The following SCAPER variants were observed in gnomAD, a reference collection of about 807,000 sequenced individuals.
The protein encoded by SCAPER is S phase cyclin A-associated protein in the endoplasmic reticulum.
A neutral mutation model predicts 182.2 loss-of-function variants in SCAPER; 98 were observed. The observed-to-expected ratio is 0.54, with a 90% CI of 0.46 to 0.64. The LOEUF is 0.64. Among genes scored for constraint, SCAPER ranks in the 30% least tolerant of loss-of-function variants. The probability of loss-of-function intolerance (pLI) is 0.00; values close to 1 mark genes in which losing one functional copy is unlikely to be tolerated. For synonymous variants in SCAPER, 605 were observed against 564.6 expected, an observed-to-expected ratio of 1.07 and a Z score of -1.01; for missense variants, 1,432 against 1,690.0, an observed-to-expected ratio of 0.85 and a Z score of 2.68.
chr15:76,587,520 T>C (rs1384669949), intron 22 of SCAPER, among the ~76,000 whole-genome samples: 1 of 152,238 alleles, frequency 6.6e-6, no homozygotes, highest in East Asian at 1.9e-4. Flanking sequence ...TAAATTTCCA[T>C]CTTGATTTCA....
rs753994905 is a variant in SCAPER, at chr15:76,804,615, C to T, written c.412G>A (p.Asp138Asn). The T allele has an allele frequency of 6.2e-7, 1 of 1,607,554 alleles. No homozygotes were observed. The highest frequency in any genetic ancestry group is 1.3e-5 in the African/African-American group (1 of 74,836). ...GCTTTGAAATCTCTTACATAGTTAT[C>T]CAGCATCATTAGCACCTCCTAAAAG... The part of the protein sequence containing the change: ...VECKEVLMML[D>N]NYVRDFKALI... Residue 138 changes from aspartate to asparagine, a missense_variant, in exon 6 of 32, where the codon GAT becomes AAT. Physicochemically the swap from Asp to Asn is conservative, Grantham distance 23 (BLOSUM62 1). Transcript: ENST00000563290.
intron 1 of SCAPER, among the ~76,000 whole-genome samples, chr15:76,892,960 GCACATATA>G (rs202116290): frequency 0.22 from 33,542 of 151,852 alleles, 4,576 homozygotes; most frequent in Admixed American, 0.35. Flanking sequence ...AGAAAATGTG[GCACATATA>G]CACCATGGAA....
chr15:76,762,226 G>T (rs2062832463), intron 14 of SCAPER, among the ~76,000 whole-genome samples: 1 of 152,076 alleles, frequency 6.6e-6, no homozygotes, highest in African/African-American at 2.4e-5. Flanking sequence ...TTTGATTGGG[G>T]AGTTTAATCC....
At chr15:76,675,031 T>C (rs549427244) in intron 20 of SCAPER, among the ~76,000 whole-genome samples, 46 of 152,326 alleles carry the variant, frequency 3.0e-4, no homozygotes, top group African/African-American at 1.7e-4. Flanking sequence ...GACTTCAAGA[T>C]AGTACTTATG....
At chr15:76,350,320 T>C (rs2040450903) in intron 31 of SCAPER, 1 of 152,054 alleles carries the variant, frequency 6.6e-6, no homozygotes, top group African/African-American at 2.4e-5. Context: ...GCTTTAGTTA[T>C]ATTTTCTTCT....
At chr15:76,451,544 T>C (rs867419059) in intron 25 of SCAPER, among the ~76,000 whole-genome samples, 1 of 152,250 alleles carries the variant, frequency 6.6e-6, no homozygotes, top group African/African-American at 2.4e-5. Flanking sequence ...GTGTGGTCTA[T>C]GTTAAGACTT....
chr15:76,674,439 A>G (rs892315896), intron 20 of SCAPER, among the ~76,000 whole-genome samples: 1 of 152,202 alleles, frequency 6.6e-6, no homozygotes, highest in African/African-American at 2.4e-5. Context: ...AGCAAGTCAC[A>G]TAAGTCTTTC....
intron 9 of SCAPER, among the ~76,000 whole-genome samples, chr15:76,772,472 A>AT (rs1407948002): frequency 6.6e-6 from 1 of 152,074 alleles, no homozygotes; most frequent in Non-Finnish European, 1.5e-5. Context: ...TTCAGATAAT[A>AT]TTAACATGAT....
intron 23 of SCAPER, among the ~76,000 whole-genome samples, chr15:76,536,271 C>G (rs1415317174): frequency 6.6e-6 from 1 of 152,114 alleles, no homozygotes; most frequent in African/African-American, 2.4e-5. Flanking sequence ...AGGCAGGAGG[C>G]TCACTTCAGC....
chr15:76,669,453 T>G (rs943058376), intron 20 of SCAPER, among the ~76,000 whole-genome samples: 1 of 152,170 alleles, frequency 6.6e-6, no homozygotes, highest in African/African-American at 2.4e-5. Context: ...GAGAAAACCC[T>G]CTTCCCATTA....
intron 23 of SCAPER, among the ~76,000 whole-genome samples, chr15:76,536,444 C>G (rs2044167910): frequency 6.6e-6 from 1 of 152,214 alleles, no homozygotes; most frequent in Non-Finnish European, 1.5e-5. Context: ...CTGTGTCTCA[C>G]TGTTCTTATT....
chr15:76,705,427 T>C (rs1165935542), intron 18 of SCAPER, among the ~76,000 whole-genome samples: 6 of 150,938 alleles, frequency 4.0e-5, no homozygotes, highest in South Asian at 2.1e-4. Context: ...AGGGATATCA[T>C]TAGGAGATAT....
At chr15:76,894,939 C>T (rs1185655574) in intron 1 of SCAPER, among the ~76,000 whole-genome samples, 2 of 152,060 alleles carry the variant, frequency 1.3e-5, no homozygotes, top group African/African-American at 4.8e-5. Flanking sequence ...GCTTCACTGG[C>T]GAATTCTACC....
chr15:76,884,979 A>G (rs2073765231), intron 1 of SCAPER, among the ~76,000 whole-genome samples: 1 of 152,238 alleles, frequency 6.6e-6, no homozygotes, highest in African/African-American at 2.4e-5. Flanking sequence ...AGTCAAATCC[A>G]TAGTGTCAGA....
intron 21 of SCAPER, among the ~76,000 whole-genome samples, chr15:76,652,914 T>C (rs1042459974): frequency 6.6e-6 from 1 of 151,920 alleles, no homozygotes; most frequent in Non-Finnish European, 1.5e-5. Flanking sequence ...GGTATCTAAA[T>C]AGGAAAAGAA....
chr15:76,501,345 T>TAAA (rs35025661), intron 24 of SCAPER, among the ~76,000 whole-genome samples: 1 of 126,970 alleles, frequency 7.9e-6, no homozygotes. Context: ...CAATTTCATG[T>TAAA]AAAAAAAAAA....
At chr15:76,375,215 C>CAAAAAAAAAAAAA (rs35499483) in intron 29 of SCAPER, among the ~76,000 whole-genome samples, 1 of 56,920 alleles carries the variant, frequency 1.8e-5, no homozygotes. Flanking sequence ...AAGAACTTGT[C>CAAAAAAAAAAAAA]AAAAAAAAAA....
chr15:76,376,019 T>C (rs1297576162), intron 29 of SCAPER, 143 bp downstream of exon 29: 1 of 957,216 alleles, frequency 1.0e-6, no homozygotes, highest in Non-Finnish European at 1.5e-6. Flanking sequence ...GAGAAGGAGC[T>C]AGAGGCATAT....
chr15:76,846,924 T>C (rs1411321441), intron 4 of SCAPER, among the ~76,000 whole-genome samples: 3 of 152,046 alleles, frequency 2.0e-5, no homozygotes, highest in Admixed American at 6.6e-5. Flanking sequence ...GCAGCACTGT[T>C]CAAAACAGCC....
Sources: gnomAD v4.1 joint callset for allele counts (sites outside exome capture counted in the v4.1 genomes callset) on GRCh38, gnomAD v4.1.1 for gene constraint, MANE v1.5 for transcripts, NCBI Gene and HGNC (gene_info 2026-07-23, HGNC 2026-07-21) for gene names.